Variants in PTPRN2 observed in about 807,000 individuals in gnomAD.
The protein encoded by PTPRN2 is protein tyrosine phosphatase receptor type N2, also known as receptor-type tyrosine-protein phosphatase N2.
In PTPRN2, 74 loss-of-function variants were observed where a neutral mutation model predicts 118.8. The ratio of observed to expected loss-of-function variants is 0.62; its 90% CI spans 0.52 to 0.76. The LOEUF is 0.76. Ranked by LOEUF, PTPRN2 falls within the 30% of genes least tolerant of loss-of-function variation. The pLI is 0.00. For synonymous variants in PTPRN2, 641 were observed against 608.0 expected (o/e 1.05, Z -0.80); for missense variants, 1,481 against 1,394.4 (o/e 1.06, Z -0.99).
chr7:158,241,987 T>C (rs1795929070), intron 3 of PTPRN2, among the ~76,000 whole-genome samples: 1 of 152,194 alleles, frequency 6.6e-6, no homozygotes, highest in South Asian at 2.1e-4. Flanking sequence ...TTATCTTCAC[T>C]AAACTAGCTT....
chr7:157,608,034 T>G (rs1323692810), intron 15 of PTPRN2, among the ~76,000 whole-genome samples: 1 of 152,178 alleles, frequency 6.6e-6, no homozygotes, highest in Admixed American at 6.5e-5. Flanking sequence ...GCATATTTGA[T>G]TTTGTGTCAA....
Position 157,785,211 on chromosome 7 carries a change from T to C in PTPRN2, c.1789-102274A>G, listed in dbSNP as rs1803952720. On this transcript the variant is annotated intron_variant, in intron 12 of 22. Transcript: ENST00000389418. This position sits in a 1 kb window ranked among gnomAD's most constrained non-coding sequence, Gnocchi z 7.3. ...TGGAGCAGGATAACCCGGGCCCACGTGGGGACACGCCCCGCCCCACAGGCT... is the reference window on the plus strand; with the variant it reads ...TGGAGCAGGATAACCCGGGCCCACGCGGGGACACGCCCCGCCCCACAGGCT... Among the ~76,000 whole-genome samples the C allele has an allele frequency of 6.6e-6, 1 of 150,576 alleles. No homozygotes were observed. Among genetic ancestry groups the C allele is most frequent in the Non-Finnish European group, 1.5e-5 (1 of 67,884 alleles).
chr7:157,713,629 A>T (rs973598954), intron 12 of PTPRN2, among the ~76,000 whole-genome samples: 32 of 152,338 alleles, frequency 2.1e-4, no homozygotes, highest in African/African-American at 7.2e-4. Flanking sequence ...ACCAGGGACC[A>T]AGGCAAGCAC....
chr7:157,889,588 C>T (rs767677151), intron 12 of PTPRN2, among the ~76,000 whole-genome samples: 1 of 152,196 alleles, frequency 6.6e-6, no homozygotes, highest in Non-Finnish European at 1.5e-5. Flanking sequence ...AGTCTCCATG[C>T]CCCAGTGAAC....
intron 12 of PTPRN2, among the ~76,000 whole-genome samples, chr7:157,829,721 C>T (rs1340039737): frequency 4.6e-5 from 7 of 152,222 alleles, no homozygotes; most frequent in Admixed American, 2.0e-4. Flanking sequence ...CCCAGCACCA[C>T]CCCGTCCAGA....
At chr7:157,558,048 C>T (rs1003266678) in intron 21 of PTPRN2, among the ~76,000 whole-genome samples, 1 of 83,170 alleles carries the variant, frequency 1.2e-5, no homozygotes, top group African/African-American at 4.7e-5. Flanking sequence ...GACACCGGAC[C>T]TCTGCACCCC....
chr7:157,776,117 T>C, intron 12 of PTPRN2, among the ~76,000 whole-genome samples: 1 of 125,570 alleles, frequency 8.0e-6, no homozygotes, highest in African/African-American at 3.2e-5. Flanking sequence ...CTCCTCTCCT[T>C]TTTCACCTCC....
intron 1 of PTPRN2, among the ~76,000 whole-genome samples, chr7:158,535,017 T>G (rs1376205642): frequency 6.6e-6 from 1 of 152,164 alleles, no homozygotes; most frequent in African/African-American, 2.4e-5. Flanking sequence ...ACACAACATC[T>G]TTAGAGACCA....
At chr7:158,508,225 GC>G (rs1460794739) in intron 1 of PTPRN2, among the ~76,000 whole-genome samples, 2 of 152,242 alleles carry the variant, frequency 1.3e-5, no homozygotes, top group African/African-American at 2.4e-5. Context: ...CCAGGGGACA[GC>G]CCCACGCTGG....
chr7:157,941,980 C>T (rs1800158250), intron 11 of PTPRN2, among the ~76,000 whole-genome samples: 1 of 152,000 alleles, frequency 6.6e-6, no homozygotes, highest in Admixed American at 6.5e-5. Context: ...ACACGGGGGT[C>T]CCCAGCACAC....
intron 14 of PTPRN2, among the ~76,000 whole-genome samples, chr7:157,631,664 CTGCTAAAAA>C (rs1007327930): frequency 4.6e-5 from 7 of 152,154 alleles, no homozygotes; most frequent in Non-Finnish European, 7.4e-5. Context: ...AACCCCGTCT[CTGCTAAAAA>C]TACAAAAAAT....
At chr7:157,722,112 C>T (rs1338982416) in intron 12 of PTPRN2, among the ~76,000 whole-genome samples, 2 of 152,190 alleles carry the variant, frequency 1.3e-5, no homozygotes, top group African/African-American at 4.8e-5. Context: ...TACAGTGAGC[C>T]CCTGGCCCCC....
intron 3 of PTPRN2, among the ~76,000 whole-genome samples, chr7:158,241,742 G>A (rs568464962): frequency 2.0e-5 from 3 of 152,172 alleles, no homozygotes; most frequent in East Asian, 1.9e-4. Context: ...TACAGCTAAC[G>A]TTCTACAGCT....
At chr7:158,077,565 C>T (rs1464383227) in intron 11 of PTPRN2, among the ~76,000 whole-genome samples, 1 of 27,576 alleles carries the variant, frequency 3.6e-5, no homozygotes, top group African/African-American at 1.1e-4. Context: ...TGAGCCACAC[C>T]CCCACCACAC....
intron 12 of PTPRN2, among the ~76,000 whole-genome samples, chr7:157,858,079 C>A (rs1227945845): frequency 7.5e-6 from 1 of 134,038 alleles, no homozygotes; most frequent in Non-Finnish European, 1.6e-5. Context: ...CAGGGAGAAC[C>A]CCGTCACCAC....
At chr7:157,928,211 G>A (rs1799139079) in intron 11 of PTPRN2, among the ~76,000 whole-genome samples, 1 of 152,194 alleles carries the variant, frequency 6.6e-6, no homozygotes, top group South Asian at 2.1e-4. Context: ...GCCATAGGCA[G>A]ATACAGGACC....
intron 3 of PTPRN2, among the ~76,000 whole-genome samples, chr7:158,253,362 C>T (rs4909153): frequency 0.67 from 101,552 of 152,196 alleles, 34,184 homozygotes; most frequent in African/African-American, 0.7. Flanking sequence ...TACACTTTCG[C>T]GTGTTTCTTT....
chr7:158,431,120 C>A (rs1402113079), intron 2 of PTPRN2, among the ~76,000 whole-genome samples: 1 of 152,228 alleles, frequency 6.6e-6, no homozygotes, highest in Non-Finnish European at 1.5e-5. Context: ...AAATTCTTAT[C>A]TGAATGTTTT....
At chr7:157,951,885 C>G (rs1338493496) in intron 11 of PTPRN2, among the ~76,000 whole-genome samples, 1 of 152,184 alleles carries the variant, frequency 6.6e-6, no homozygotes, top group Non-Finnish European at 1.5e-5. Context: ...GGCTGCCCCC[C>G]TCTCTTCATT....
Sources: allele counts gnomAD v4.1 joint callset (sites outside exome capture counted in the v4.1 genomes callset), GRCh38; gene constraint gnomAD v4.1.1; non-coding constraint Gnocchi (gnomAD v3.1); transcripts MANE v1.5; gene names NCBI Gene and HGNC (gene_info 2026-07-23, HGNC 2026-07-21).